The following NRXN2 variants were observed in gnomAD, a reference collection of about 807,000 sequenced individuals.
NRXN2 encodes neurexin-2-beta.
In NRXN2, 29 loss-of-function variants were observed where a neutral mutation model predicts 128.8. The ratio of observed to expected loss-of-function variants is 0.23; its 90% CI spans 0.17 to 0.31. NRXN2 has a LOEUF of 0.31. NRXN2 is among the 10% of genes least tolerant of loss of function. The pLI, the probability that NRXN2 is intolerant of heterozygous loss-of-function variation, is 1.00. For missense variants in NRXN2, 1,881 were observed against 2,452.6 expected, an observed-to-expected ratio of 0.77 and a Z score of 4.92; for synonymous variants, 1,098 against 1,075.2, an observed-to-expected ratio of 1.02 and a Z score of -0.41.
intron 11 of NRXN2, among the ~76,000 whole-genome samples, chr11:64,655,758 C>T (rs1188467242): frequency 2.0e-5 from 3 of 152,122 alleles, no homozygotes; most frequent in South Asian, 2.1e-4. Context: ...CAAGAGCAAA[C>T]GACTTGAAGA....
chr11:64,706,663 C>G (rs2056363979), intron 2 of NRXN2, among the ~76,000 whole-genome samples: 1 of 152,132 alleles, frequency 6.6e-6, no homozygotes, highest in South Asian at 2.1e-4. Context: ...CTCCCTATAC[C>G]CCTTGGTGCC....
chr11:64,654,918 T>G (rs2048028435), intron 11 of NRXN2, among the ~76,000 whole-genome samples: 1 of 152,090 alleles, frequency 6.6e-6, no homozygotes, highest in African/African-American at 2.4e-5. Flanking sequence ...CCATGTGAGC[T>G]GAGGGAATGG....
intron 20 of NRXN2, 60 bp downstream of exon 20, chr11:64,626,403 G>T: frequency 1.5e-6 from 2 of 1,347,696 alleles, no homozygotes; most frequent in Non-Finnish European, 2.1e-6. Context: ...AGAGAGCTCT[G>T]CACCTTTAAG....
At chr11:64,680,428 C>G (rs973143791) in intron 6 of NRXN2, among the ~76,000 whole-genome samples, 10 of 152,186 alleles carry the variant, frequency 6.6e-5, no homozygotes, top group Admixed American at 2.0e-4. Flanking sequence ...CCAAGAACGA[C>G]AGAAGCACAG....
intron 21 of NRXN2, 35 bp from the exon 22 acceptor site, chr11:64,620,407 T>A: frequency 6.6e-7 from 1 of 1,520,850 alleles, no homozygotes. Context: ...GAAAGAGAGG[T>A]TCCAGGCAGG....
At chr11:64,709,489 G>A (rs2056684102) in intron 2 of NRXN2, among the ~76,000 whole-genome samples, 1 of 149,668 alleles carries the variant, frequency 6.7e-6, no homozygotes, top group Admixed American at 6.7e-5. Flanking sequence ...AAGAAATGAG[G>A]TTGCAGAGTG....
rs144675706 is a variant in NRXN2, at chr11:64,686,282, G to A, written c.851-335C>T. On this transcript the variant is annotated intron_variant, in intron 5 of 22. Coordinates refer to ENST00000265459, the MANE Select transcript of NRXN2 (RefSeq NM_015080.4). ...TCTCCTCCCCACCAACCTTCCCATCGGCCACTCCCCTTAACAAAGGGACAT... is the reference window on the plus strand; with the variant it reads ...TCTCCTCCCCACCAACCTTCCCATCAGCCACTCCCCTTAACAAAGGGACAT... Among the ~76,000 whole-genome samples the A allele has an allele frequency of 2.9e-3, 437 of 152,152 alleles. 2 individuals are homozygous for A. Among genetic ancestry groups the A allele is most frequent in the African/African-American group, 9.4e-3 (389 of 41,520 alleles).
At chr11:64,683,716 A>C (rs1229906484) in intron 6 of NRXN2, among the ~76,000 whole-genome samples, 1 of 152,076 alleles carries the variant, frequency 6.6e-6, no homozygotes, top group East Asian at 1.9e-4. Context: ...CCCTCTGTGG[A>C]CCTCAGGACC....
At chr11:64,639,758 AG>A (rs1467596209) in intron 17 of NRXN2, among the ~76,000 whole-genome samples, 1 of 152,124 alleles carries the variant, frequency 6.6e-6, no homozygotes, top group African/African-American at 2.4e-5. Flanking sequence ...GTAGAAACAC[AG>A]TGAGACCCCA....
intron 22 of NRXN2, among the ~76,000 whole-genome samples, chr11:64,615,310 G>A (rs1400113071): frequency 6.6e-6 from 1 of 152,226 alleles, no homozygotes; most frequent in African/African-American, 2.4e-5. Flanking sequence ...CACCAATCAG[G>A]AACACTTGTT....
At chr11:64,644,244 G>T (rs2046298580) in intron 17 of NRXN2, among the ~76,000 whole-genome samples, 2 of 152,102 alleles carry the variant, frequency 1.3e-5, no homozygotes, top group African/African-American at 4.8e-5. Flanking sequence ...AGCATACAGT[G>T]CACCCAGAGC....
chr11:64,650,679 G>T, intron 14 of NRXN2, 41 bp from the exon 15 acceptor site: 2 of 1,590,920 alleles, frequency 1.3e-6, no homozygotes, highest in Middle Eastern at 1.7e-4. Context: ...CAGGGCGGGG[G>T]TGATGCTGGG....
intron 2 of NRXN2, among the ~76,000 whole-genome samples, chr11:64,706,485 C>T (rs1017405278): frequency 5.9e-5 from 9 of 151,798 alleles, no homozygotes; most frequent in African/African-American, 2.2e-4. Flanking sequence ...ATCCATGTCC[C>T]TACAAAGGAC....
chr11:64,609,245 G>T (rs908372696), intron 22 of NRXN2, among the ~76,000 whole-genome samples: 3 of 151,392 alleles, frequency 2.0e-5, no homozygotes, highest in African/African-American at 7.3e-5. Context: ...GACCCCCACT[G>T]ACTTCCCCCC....
At chr11:64,706,439 T>TG (rs1248162938) in intron 2 of NRXN2, among the ~76,000 whole-genome samples, 2 of 151,184 alleles carry the variant, frequency 1.3e-5, no homozygotes, top group Admixed American at 1.3e-4. Context: ...TTTTTGTCCT[T>TG]GCGATAGTTT....
intron 6 of NRXN2, among the ~76,000 whole-genome samples, chr11:64,682,565 C>G (rs758283385): frequency 2.0e-5 from 3 of 152,348 alleles, no homozygotes; most frequent in Non-Finnish European, 4.4e-5. Flanking sequence ...CCTGGAGGAG[C>G]TCCTGAAAGC....
Position 64,712,558 on chromosome 11 carries a change from G to A in NRXN2, c.730+412C>T, listed in dbSNP as rs918835331. The A allele has an allele frequency of 3.2e-4, 110 of 345,840 alleles. 1 individual carries two copies. Among genetic ancestry groups the A allele is most frequent in the Non-Finnish European group, 6.3e-4 (103 of 163,620 alleles). The allele number at this position is 345,840 out of a possible 1,614,324, so 21.4% of individuals were successfully genotyped here. A position where few individuals can be genotyped will look rare whatever the true frequency, so the allele number is the denominator to read the frequency against. On this transcript the variant is annotated intron_variant, in intron 2 of 22. Coordinates refer to ENST00000265459, the MANE Select transcript of NRXN2 (RefSeq NM_015080.4). ...ACAAGCCCCACCCACTGTCCTTCAGGGGCCCCATGGTCCCCGCCCACTGCC... is the reference window on the plus strand; with the variant it reads ...ACAAGCCCCACCCACTGTCCTTCAGAGGCCCCATGGTCCCCGCCCACTGCC...
intron 17 of NRXN2, among the ~76,000 whole-genome samples, chr11:64,647,254 C>G (rs2046838849): frequency 6.6e-6 from 1 of 150,478 alleles, no homozygotes; most frequent in Non-Finnish European, 1.5e-5. Context: ...TGTGTGCGTG[C>G]CTGTGTGTGT....
chr11:64,654,087 C>T (rs902448588), intron 11 of NRXN2, among the ~76,000 whole-genome samples: 1 of 152,184 alleles, frequency 6.6e-6, no homozygotes, highest in African/African-American at 2.4e-5. Flanking sequence ...ACCAACCCCA[C>T]ATCTCCCCTG....
Sources: gnomAD v4.1 joint callset for allele counts (sites outside exome capture counted in the v4.1 genomes callset) on GRCh38, gnomAD v4.1.1 for gene constraint, MANE v1.5 for transcripts, NCBI Gene and HGNC (gene_info 2026-07-23, HGNC 2026-07-21) for gene names.